NRG3: variants seen among roughly 807,000 people sequenced by gnomAD.
NRG3 encodes the protein neuregulin 3.
A neutral mutation model predicts 66.9 loss-of-function variants in NRG3; 31 were observed. The ratio of observed to expected loss-of-function variants is 0.46; its 90% CI spans 0.35 to 0.63. The LOEUF (loss-of-function observed/expected upper bound fraction) is 0.63. Among genes scored for constraint, NRG3 ranks in the 20% least tolerant of loss-of-function variants. The pLI is 0.00. For synonymous variants in NRG3, 393 were observed against 359.4 expected (o/e 1.09, Z -1.06); for missense variants, 910 against 878.9 (o/e 1.04, Z -0.45).
chr10:82,594,226 G>A (rs1466366436), intron 2 of NRG3, among the ~76,000 whole-genome samples: 1 of 152,184 alleles, frequency 6.6e-6, no homozygotes, highest in East Asian at 1.9e-4. Flanking sequence ...TTCATAAGAA[G>A]TGAGTCTGTG....
intron 4 of NRG3, among the ~76,000 whole-genome samples, chr10:82,946,679 C>A (rs1401215306): frequency 6.6e-6 from 1 of 151,988 alleles, no homozygotes; most frequent in East Asian, 1.9e-4. Flanking sequence ...TCAGACCATA[C>A]TAAGAATTTT....
intron 1 of NRG3, among the ~76,000 whole-genome samples, chr10:81,890,629 G>A (rs1488611047): frequency 1.3e-5 from 2 of 152,154 alleles, no homozygotes; most frequent in Non-Finnish European, 2.9e-5. Context: ...TCCTACCATT[G>A]GAAAATACTG....
intron 2 of NRG3, among the ~76,000 whole-genome samples, chr10:82,457,586 C>T (rs550714208): frequency 9.8e-5 from 15 of 152,290 alleles, no homozygotes; most frequent in African/African-American, 3.6e-4. Context: ...CTGAATCCAG[C>T]ATAGCTAGGA....
intron 1 of NRG3, among the ~76,000 whole-genome samples, chr10:82,131,769 C>T (rs1226066373): frequency 6.6e-6 from 1 of 151,814 alleles, no homozygotes; most frequent in African/African-American, 2.4e-5. Context: ...TAAGTTTATT[C>T]CTAGGTATTT....
intron 1 of NRG3, among the ~76,000 whole-genome samples, chr10:82,064,396 CAAT>C (rs1554898409): frequency 1.3e-5 from 2 of 151,458 alleles, no homozygotes; most frequent in Non-Finnish European, 2.9e-5. Flanking sequence ...TATTATAAAA[CAAT>C]AAAAATCCCA....
chr10:82,183,505 A>G (rs887238834), intron 1 of NRG3, among the ~76,000 whole-genome samples: 2 of 151,994 alleles, frequency 1.3e-5, no homozygotes, highest in Non-Finnish European at 2.9e-5. Context: ...TTTAAACTAT[A>G]TCTTCTATAT....
chr10:82,108,768 CA>C (rs1841338833), intron 1 of NRG3, among the ~76,000 whole-genome samples: 1 of 152,122 alleles, frequency 6.6e-6, no homozygotes, highest in African/African-American at 2.4e-5. Flanking sequence ...AGGAGATGAG[CA>C]CTTTGATGTT....
chr10:82,065,236 A>G (rs185210523), intron 1 of NRG3, among the ~76,000 whole-genome samples: 4 of 152,308 alleles, frequency 2.6e-5, no homozygotes, highest in African/African-American at 2.4e-5. Flanking sequence ...ATTAATAGCA[A>G]GCACAAGCAG....
intron 2 of NRG3, among the ~76,000 whole-genome samples, chr10:82,383,917 T>G (rs546104373): frequency 1.3e-5 from 2 of 152,070 alleles, no homozygotes; most frequent in African/African-American, 4.8e-5. Flanking sequence ...CTCATTCTTT[T>G]ATGTCTTTTT....
intron 2 of NRG3, among the ~76,000 whole-genome samples, chr10:82,526,793 T>TAGG (rs1448220901): frequency 6.6e-6 from 1 of 151,006 alleles, no homozygotes; most frequent in Non-Finnish European, 1.5e-5. Context: ...AAACAAAGAG[T>TAGG]AGGAATGAGT....
intron 2 of NRG3, among the ~76,000 whole-genome samples, chr10:82,710,711 AT>A (rs2056613987): frequency 7.4e-6 from 1 of 134,798 alleles, no homozygotes; most frequent in South Asian, 2.4e-4. Context: ...TTTTTATTTT[AT>A]TTTATTTTAT....
At chr10:82,664,868 G>A (rs887254338) in intron 2 of NRG3, among the ~76,000 whole-genome samples, 1 of 151,944 alleles carries the variant, frequency 6.6e-6, no homozygotes, top group Admixed American at 6.6e-5. Context: ...TCACAGCCTC[G>A]AGTTGAAGAG....
intron 1 of NRG3, among the ~76,000 whole-genome samples, chr10:81,893,210 A>G (rs201770279): frequency 6.8e-6 from 1 of 146,876 alleles, no homozygotes; most frequent in Non-Finnish European, 1.5e-5. Context: ...TGCTTTAGGA[A>G]TATGTATTTG....
chr10:82,473,430 T>A (rs534452795), intron 2 of NRG3, among the ~76,000 whole-genome samples: 37 of 152,130 alleles, frequency 2.4e-4, no homozygotes, highest in Non-Finnish European at 4.4e-4. Flanking sequence ...CAGACTGGTG[T>A]CAGCAAGATT....
intron 4 of NRG3, among the ~76,000 whole-genome samples, chr10:82,902,809 G>A (rs937378893): frequency 3.9e-5 from 6 of 152,012 alleles, no homozygotes; most frequent in African/African-American, 1.4e-4. Context: ...TACAATAAAT[G>A]TATTGGAAAA....
chr10:81,884,760 C>T (rs1453484955), intron 1 of NRG3, among the ~76,000 whole-genome samples: 2 of 152,026 alleles, frequency 1.3e-5, no homozygotes, highest in East Asian at 1.9e-4. Flanking sequence ...AACTATTCCC[C>T]CCTGGAATAC....
chr10:81,978,750 C>G (rs1466830312), intron 1 of NRG3, among the ~76,000 whole-genome samples: 1 of 151,844 alleles, frequency 6.6e-6, no homozygotes, highest in Non-Finnish European at 1.5e-5. Flanking sequence ...GAGATAGGGT[C>G]TTGCTGTGTT....
rs2079187647 is a variant in NRG3 at position 82,282,669 on chromosome 10, G to A, written c.824-76070G>A. On this transcript the variant is annotated intron_variant, in intron 1 of 8. Transcript: ENST00000372141. ...CAAGGTTGTTGTGATGATTAAATGA[G>A]TTAATGCAAATTAGCGACAAAGGTA... 3.9e-5 allele frequency among the ~76,000 whole-genome samples: 6 copies of A among 152,132 alleles called. No individual in the cohort carries two copies. The South Asian group carries it at 1.2e-3, about 32-fold the overall frequency.
intron 1 of NRG3, among the ~76,000 whole-genome samples, chr10:82,040,929 C>T (rs2063004035): frequency 6.6e-6 from 1 of 152,074 alleles, no homozygotes; most frequent in African/African-American, 2.4e-5. Context: ...GGCCTTTAGA[C>T]ATGCCCAAAG....
Sources: gnomAD v4.1 joint callset for allele counts (sites outside exome capture counted in the v4.1 genomes callset) on GRCh38, gnomAD v4.1.1 for gene constraint, MANE v1.5 for transcripts, NCBI Gene and HGNC (gene_info 2026-07-23, HGNC 2026-07-21) for gene names.